UTS2: variants seen among roughly 807,000 people sequenced by gnomAD.
UTS2 encodes urotensin 2, also known as urotensin-2.
UTS2 carries 10 observed loss-of-function variants against 12.6 expected under a neutral mutation model. The ratio of observed to expected loss-of-function variants is 0.80; its 90% CI spans 0.49 to 1.35. The LOEUF is 1.35. Ranked by LOEUF, UTS2 falls within the 40% of genes most tolerant of loss-of-function variation. UTS2 has a pLI of 0.00. For synonymous variants in UTS2, 52 were observed against 50.0 expected, an observed-to-expected ratio of 1.04 and a Z score of -0.17; for missense variants, 142 against 143.2, an observed-to-expected ratio of 0.99 and a Z score of 0.04.
chr1:7,901,628 G>A, the UTS2 span, among the ~76,000 whole-genome samples: 6 of 123,170 alleles, frequency 4.9e-5, no homozygotes, highest in Admixed American at 8.0e-5. Flanking sequence ...GTGTGTGTGT[G>A]TGTATATATA....
At chr1:7,863,868 A>C in the UTS2 span, among the ~76,000 whole-genome samples, 4 of 152,192 alleles carry the variant, frequency 2.6e-5, no homozygotes, top group African/African-American at 9.7e-5. Context: ...AGGGTCACTC[A>C]TGTGGCCCCA....
chr1:7,870,611 C>G, the UTS2 span, among the ~76,000 whole-genome samples: 1 of 152,196 alleles, frequency 6.6e-6, no homozygotes, highest in Non-Finnish European at 1.5e-5. Context: ...ACTTTCTTGT[C>G]CACTGAAACC....
At chr1:7,856,697 G>T (rs1464535675), upstream of UTS2, among the ~76,000 whole-genome samples, 1 of 84,552 alleles carries the variant, frequency 1.2e-5, no homozygotes, top group African/African-American at 4.7e-5. Flanking sequence ...ATATTTCTCA[G>T]CACCCCCATG....
At chr1:7,864,667 C>T in the UTS2 span, among the ~76,000 whole-genome samples, 11 of 152,208 alleles carry the variant, frequency 7.2e-5, no homozygotes, top group African/African-American at 2.7e-4. Context: ...CATGTACTGT[C>T]CCCCTAAAAT....
the UTS2 span, among the ~76,000 whole-genome samples, chr1:7,901,252 G>C: frequency 6.6e-6 from 1 of 152,126 alleles, no homozygotes; most frequent in East Asian, 1.9e-4. Context: ...AGTAATCCAG[G>C]CCAGAAATAA....
chr1:7,903,012 T>TCCCCTCCTTCCCTCC, the UTS2 span, among the ~76,000 whole-genome samples: 1 of 102,018 alleles, frequency 9.8e-6, no homozygotes, highest in African/African-American at 5.1e-5. Context: ...TCCTTCCCTC[T>TCCCCTCCTTCCCTCC]TCCCCTCCTT....
intron 3 of UTS2, among the ~76,000 whole-genome samples, chr1:7,848,966 T>G (rs765021701): frequency 5.9e-5 from 9 of 152,176 alleles, no homozygotes; most frequent in Non-Finnish European, 1.2e-4. Flanking sequence ...TAGGTGGGCC[T>G]AAGATCCTGC....
chr1:7,892,118 A>G, the UTS2 span, among the ~76,000 whole-genome samples: 4 of 152,220 alleles, frequency 2.6e-5, no homozygotes, highest in Non-Finnish European at 5.9e-5. Flanking sequence ...GCCTGACAGC[A>G]GCGCTGCAGA....
the UTS2 span, among the ~76,000 whole-genome samples, chr1:7,885,171 T>C: frequency 7.1e-6 from 1 of 140,180 alleles, no homozygotes; most frequent in Non-Finnish European, 1.5e-5. Context: ...TCCACAACTT[T>C]TATTTCATTG....
the UTS2 span, among the ~76,000 whole-genome samples, chr1:7,863,964 G>C: frequency 1.3e-5 from 2 of 152,098 alleles, no homozygotes; most frequent in Non-Finnish European, 2.9e-5. Flanking sequence ...CTCATCCCCC[G>C]GGGGGGTCTG....
the UTS2 span, among the ~76,000 whole-genome samples, chr1:7,887,033 TC>T: frequency 2.4e-5 from 2 of 81,744 alleles, no homozygotes; most frequent in East Asian, 8.0e-4. Context: ...AGGGCAAGAC[TC>T]CGTCTCAAAA....
the UTS2 span, among the ~76,000 whole-genome samples, chr1:7,867,117 G>A: frequency 5.3e-5 from 8 of 152,078 alleles, 1 homozygote; most frequent in South Asian, 6.2e-4. Flanking sequence ...TGATCCGCCC[G>A]CCTCGGCCTC....
At chr1:7,855,488 G>A (rs941180105), upstream of UTS2, among the ~76,000 whole-genome samples, 5 of 152,246 alleles carry the variant, frequency 3.3e-5, no homozygotes, top group African/African-American at 9.6e-5. Flanking sequence ...GGAGGCTGAG[G>A]CAGGAGGATA....
the UTS2 span, among the ~76,000 whole-genome samples, chr1:7,899,649 A>G: frequency 6.6e-6 from 1 of 152,200 alleles, no homozygotes; most frequent in East Asian, 1.9e-4. Context: ...CTGGGACTAC[A>G]GGCACGAACC....
chr1:7,910,971 G>A, the UTS2 span, among the ~76,000 whole-genome samples: 3 of 150,526 alleles, frequency 2.0e-5, no homozygotes, highest in African/African-American at 7.3e-5. Context: ...CAGGCTAGTC[G>A]TGAATGCCTG....
the UTS2 span, among the ~76,000 whole-genome samples, chr1:7,890,485 T>A: frequency 6.6e-6 from 1 of 152,146 alleles, no homozygotes; most frequent in Non-Finnish European, 1.5e-5. Context: ...TAAATGTAGA[T>A]CATCTTTGAT....
At chr1:7,905,350 G>A in the UTS2 span, among the ~76,000 whole-genome samples, 1 of 151,826 alleles carries the variant, frequency 6.6e-6, no homozygotes, top group African/African-American at 2.4e-5. Flanking sequence ...TCTCCATGTT[G>A]GTCAGGCTGG....
chr1:7,880,406 C>T, the UTS2 span, among the ~76,000 whole-genome samples: 2 of 32,410 alleles, frequency 6.2e-5, no homozygotes, highest in East Asian at 1.1e-3. Flanking sequence ...CTAGACTAAC[C>T]GGGGAGTGGG....
At chr1:7,848,560 C>T (rs1174283630) in intron 3 of UTS2, among the ~76,000 whole-genome samples, 1 of 151,952 alleles carries the variant, frequency 6.6e-6, no homozygotes, top group Non-Finnish European at 1.5e-5. Context: ...TTGCTCTGTT[C>T]CCCGGGCTGG....
Sources: gnomAD v4.1 joint callset for allele counts (sites outside exome capture counted in the v4.1 genomes callset) on GRCh38, gnomAD v4.1.1 for gene constraint, MANE v1.5 for transcripts, NCBI Gene and HGNC (gene_info 2026-07-23, HGNC 2026-07-21) for gene names.